ERCC6L2: variants seen among roughly 807,000 people sequenced by gnomAD.
ERCC6L2 encodes ERCC excision repair 6 like 2.
ERCC6L2 carries 77 observed loss-of-function variants against 132.0 expected under a neutral mutation model. The ratio of observed to expected loss-of-function variants is 0.58; its 90% CI spans 0.49 to 0.71. The LOEUF (loss-of-function observed/expected upper bound fraction) is 0.71, where lower values mean the gene tolerates loss of function less well. Among genes scored for constraint, ERCC6L2 ranks in the 30% least tolerant of loss-of-function variants. The pLI is 0.00. For missense variants in ERCC6L2, 1,542 were observed against 1,837.6 expected, an observed-to-expected ratio of 0.84 and a Z score of 2.94; for synonymous variants, 583 against 632.4, an observed-to-expected ratio of 0.92 and a Z score of 1.17.
rs1451175403 is a variant in ERCC6L2 at position 95,875,739 on chromosome 9, C to T, written c.-300C>T. The T allele has an allele frequency of 2.1e-6, 1 of 465,666 alleles. No homozygotes were observed. Among genetic ancestry groups the T allele is most frequent in the South Asian group, 3.5e-5 (1 of 28,906 alleles). 28.8% of individuals were successfully genotyped at this position (465,666 alleles called of 1,614,324 possible). ...CGCCTTGCCGGCCTCCTGTCCTCCT[C>T]CGGCGGCGGCGGAGCCCGAGAGAAC... On this transcript the variant is annotated 5_prime_UTR_variant, in exon 1 of 19. Transcript: ENST00000653738.
chr9:95,988,295 A>G (rs575949005), intron 17 of ERCC6L2, among the ~76,000 whole-genome samples: 4 of 152,358 alleles, frequency 2.6e-5, no homozygotes, highest in African/African-American at 7.2e-5. Flanking sequence ...ATATTTTGCA[A>G]ATTATCTGAT....
Position 95,918,389 on chromosome 9 carries a change from C to A in ERCC6L2, c.1158+1955C>A, listed in dbSNP as rs181701357. The stretch of plus-strand genomic sequence containing the variant: ...TGGGTGCACAGATTTTATTTGAGTC[C>A]GCTGCCTTGAGAGAGATACTGAAGG... On this transcript the variant is annotated intron_variant, in intron 6 of 18. Coordinates refer to ENST00000653738, the MANE Select transcript of ERCC6L2 (RefSeq NM_020207.7). 718 of 357,680 alleles carry A rather than the reference C, an allele frequency of 2.0e-3. 7 individuals are homozygous for A. The highest frequency in any genetic ancestry group is 0.016 in the Middle Eastern group (16 of 996). 22.2% of individuals were successfully genotyped at this position (357,680 alleles called of 1,614,324 possible).
In ERCC6L2 at chr9:95,971,962, A is replaced by G; in HGVS notation, c.2211A>G (p.Arg737=). Residue 737 remains arginine (R), a synonymous_variant, in exon 16 of 19, where the codon AGA becomes AGG. Coordinates refer to ENST00000653738, the MANE Select transcript of ERCC6L2 (RefSeq NM_020207.7). The part of the protein sequence containing the change: ...MPRQPDCQEC[R]GTEQAAEPLA... ...GACAGCCTGACTGTCAGGAATGCAG[A>G]GGTACAGAACAAGCTGCAGAGCCAC... The G allele has an allele frequency of 1.5e-6, 2 of 1,302,774 alleles. No individual in the cohort carries two copies. Among genetic ancestry groups the G allele is most frequent in the Non-Finnish European group, 2.0e-6 (2 of 988,126 alleles). 80.7% of individuals were successfully genotyped at this position (1,302,774 alleles called of 1,614,324 possible). A position where few individuals can be genotyped will look rare whatever the true frequency, so the allele number is the denominator to read the frequency against.
downstream of ERCC6L2, chr9:96,021,154 G>T (rs1302275541): frequency 5.4e-6 from 2 of 370,804 alleles, no homozygotes; most frequent in African/African-American, 2.1e-5. The surrounding 1 kb of genome is among the most constrained non-coding windows in gnomAD (Gnocchi z 4.7). Flanking sequence ...CAAGTGTCGG[G>T]CTGCGTCCGG....
chr9:96,021,025 T>C, downstream of ERCC6L2: 1 of 455,148 alleles, frequency 2.2e-6, no homozygotes, highest in Non-Finnish European at 4.4e-6. This position sits in a 1 kb window ranked among gnomAD's most constrained non-coding sequence, Gnocchi z 4.7. Context: ...TGTCGGGGGC[T>C]CGCAGCGCCG....
intron 2 of ERCC6L2, among the ~76,000 whole-genome samples, chr9:95,891,572 T>C (rs924831775): frequency 2.0e-5 from 3 of 152,052 alleles, no homozygotes; most frequent in Non-Finnish European, 4.4e-5. Context: ...AATTAGTGGG[T>C]TTTATGGTAA....
intron 19 of ERCC6L2, among the ~76,000 whole-genome samples, chr9:96,027,507 C>T (rs1834395297): frequency 1.3e-5 from 2 of 152,142 alleles, no homozygotes; most frequent in Non-Finnish European, 2.9e-5. Flanking sequence ...GAGAAGGCGG[C>T]CCGGTTGGAA....
At chr9:95,925,666 G>A (rs1830068416) in intron 9 of ERCC6L2, among the ~76,000 whole-genome samples, 1 of 152,114 alleles carries the variant, frequency 6.6e-6, no homozygotes, top group Non-Finnish European at 1.5e-5. Context: ...TACTTTTCCT[G>A]TGACTTGTTT....
intron 19 of ERCC6L2, among the ~76,000 whole-genome samples, chr9:96,037,235 C>CT (rs1834530923): frequency 6.6e-6 from 1 of 152,234 alleles, no homozygotes; most frequent in South Asian, 2.1e-4. Context: ...GTGCCCGTCC[C>CT]TGTGCGTGGA....
At chr9:96,004,101 T>C (rs1833781921) in intron 17 of ERCC6L2, among the ~76,000 whole-genome samples, 2 of 152,234 alleles carry the variant, frequency 1.3e-5, no homozygotes, top group African/African-American at 4.8e-5. Flanking sequence ...AGATTGGTAT[T>C]TTTTACATGT....
intron 3 of ERCC6L2, among the ~76,000 whole-genome samples, chr9:95,900,193 A>C (rs999398703): frequency 2.0e-5 from 3 of 152,072 alleles, no homozygotes; most frequent in Non-Finnish European, 4.4e-5. Context: ...CGGCCTGCGC[A>C]CCATAAGAAT....
chr9:95,971,327 T>G (rs1231447072), intron 15 of ERCC6L2, among the ~76,000 whole-genome samples: 1 of 152,154 alleles, frequency 6.6e-6, no homozygotes, highest in Non-Finnish European at 1.5e-5. Flanking sequence ...CCGCAATATT[T>G]TACTAGTAGA....
intron 7 of ERCC6L2, 104 bp downstream of exon 7, chr9:95,921,419 G>T: frequency 1.2e-6 from 1 of 852,228 alleles, no homozygotes. Context: ...TCCTCAGACA[G>T]TTCTTTAAAG....
chr9:96,023,364 A>G (rs2133253354), downstream of ERCC6L2, among the ~76,000 whole-genome samples: 1 of 152,196 alleles, frequency 6.6e-6, no homozygotes, highest in East Asian at 1.9e-4. Flanking sequence ...CCTTTTTTAT[A>G]TAATGTTTAA....
At chr9:95,965,712 C>A (rs1426686973) in intron 13 of ERCC6L2, among the ~76,000 whole-genome samples, 6 of 152,198 alleles carry the variant, frequency 3.9e-5, no homozygotes, top group Admixed American at 2.0e-4. Flanking sequence ...ACCACGTCGA[C>A]CAGGTTGGGC....
chr9:95,890,453 A>G (rs909874716), intron 2 of ERCC6L2, among the ~76,000 whole-genome samples: 1 of 152,220 alleles, frequency 6.6e-6, no homozygotes, highest in African/African-American at 2.4e-5. Context: ...CTGGTTGGTC[A>G]GACACCAAAG....
chr9:95,924,515 A>G (rs1023914624), intron 9 of ERCC6L2, among the ~76,000 whole-genome samples: 2 of 152,112 alleles, frequency 1.3e-5, no homozygotes, highest in Non-Finnish European at 2.9e-5. Flanking sequence ...AGAACTGAGC[A>G]CTTACTATCC....
At chr9:95,927,684 G>A (rs574208548) in intron 9 of ERCC6L2, among the ~76,000 whole-genome samples, 35 of 152,074 alleles carry the variant, frequency 2.3e-4, no homozygotes, top group African/African-American at 8.0e-4. Flanking sequence ...ATCCATCTAG[G>A]GACAATTTAA....
At chr9:95,941,671 G>A (rs544727686) in intron 12 of ERCC6L2, 122 bp downstream of exon 12, 15 of 691,558 alleles carry the variant, frequency 2.2e-5, no homozygotes, top group East Asian at 2.7e-5. Context: ...TGGTAAAAAC[G>A]TACATTTAAT....
Sources: allele counts gnomAD v4.1 joint callset (sites outside exome capture counted in the v4.1 genomes callset), GRCh38; gene constraint gnomAD v4.1.1; non-coding constraint Gnocchi (gnomAD v3.1); transcripts MANE v1.5; gene names NCBI Gene and HGNC (gene_info 2026-07-23, HGNC 2026-07-21).